The following ZNF541 variants were observed in gnomAD, a reference collection of about 807,000 sequenced individuals.
The protein encoded by ZNF541 is zinc finger protein 541.
Under a neutral mutation model 123.5 loss-of-function variants are expected in ZNF541, and 23 were observed. The observed-to-expected ratio is 0.19, with a 90% CI of 0.13 to 0.26. The LOEUF is 0.26. Among genes scored for constraint, ZNF541 ranks in the 10% least tolerant of loss-of-function variants. The probability of loss-of-function intolerance (pLI) is 1.00; values close to 1 mark genes in which losing one functional copy is unlikely to be tolerated. For missense variants in ZNF541, 1,612 were observed against 1,789.9 expected (o/e 0.90, Z 1.79); for synonymous variants, 751 against 754.5 (o/e 1.00, Z 0.08).
chr19:47,567,244 T>C (rs1459467330), intron 2 of ZNF541, among the ~76,000 whole-genome samples: 1 of 151,854 alleles, frequency 6.6e-6, no homozygotes, highest in Non-Finnish European at 1.5e-5. Flanking sequence ...TATTTAAGTT[T>C]AGTTAAATTT....
chr19:47,521,316 C>T lies in ZNF541; in HGVS notation c.3949G>A (p.Val1317Met). 3 of 1,551,728 alleles carry T rather than the reference C, an allele frequency of 1.9e-6. No individual in the cohort carries two copies. Among genetic ancestry groups the T allele is most frequent in the South Asian group, 1.2e-5 (1 of 84,068 alleles). The part of the protein sequence containing the change: ...HMKRHRLQDH[V>M]EPIIRVKWPV... ...CACTTCACCCTGATGATGGGCTCCACGTGGTCCTGAAGGCGGTGCCGCTTC... is the reference window on the plus strand; with the variant it reads ...CACTTCACCCTGATGATGGGCTCCATGTGGTCCTGAAGGCGGTGCCGCTTC... Residue 1317 changes from valine (V) to methionine (M), a missense_variant, in exon 17 of 17, where the codon GTG (valine) becomes ATG (methionine). Val to Met is a conservative substitution (Grantham distance 21). Coordinates refer to ENST00000391901, the MANE Select transcript of ZNF541 (RefSeq NM_001277075.3). The surrounding 1 kb of genome is among the most constrained non-coding windows in gnomAD (Gnocchi z 4.2).
At chr19:47,547,763 C>T (rs1970416497) in intron 4 of ZNF541, among the ~76,000 whole-genome samples, 1 of 152,132 alleles carries the variant, frequency 6.6e-6, no homozygotes, top group African/African-American at 2.4e-5. Flanking sequence ...TTCTTTCCCC[C>T]ACAGGCAAGA....
chr19:47,534,803 T>C (rs955541234), intron 9 of ZNF541, among the ~76,000 whole-genome samples: 1 of 152,226 alleles, frequency 6.6e-6, no homozygotes, highest in Non-Finnish European at 1.5e-5. Flanking sequence ...AATTGATTTC[T>C]AACAATGAAT....
intron 3 of ZNF541, among the ~76,000 whole-genome samples, chr19:47,550,642 A>G (rs1970559932): frequency 6.6e-6 from 1 of 152,346 alleles, no homozygotes; most frequent in East Asian, 1.9e-4. Flanking sequence ...ACGTCTTCAA[A>G]TATCTGAAGG....
At chr19:47,523,847 G>A (rs1969162505) in intron 14 of ZNF541, among the ~76,000 whole-genome samples, 1 of 152,204 alleles carries the variant, frequency 6.6e-6, no homozygotes, top group Admixed American at 6.5e-5. Flanking sequence ...TGGGAGAGGA[G>A]AGAGCTACAC....
At chr19:47,570,446 G>A (rs1971434573) in intron 2 of ZNF541, among the ~76,000 whole-genome samples, 1 of 151,412 alleles carries the variant, frequency 6.6e-6, no homozygotes, top group Admixed American at 6.6e-5. Context: ...GCATGGTGGT[G>A]GGCACCTGTA....
chr19:47,521,411 A>G lies in ZNF541; in HGVS notation c.3888-34T>C. 2 of 1,550,862 alleles carry G rather than the reference A, an allele frequency of 1.3e-6. No homozygotes were observed. The highest frequency in any genetic ancestry group is 1.7e-6 in the Non-Finnish European group (2 of 1,146,186). On this transcript the variant is annotated intron_variant, in intron 16 of 16. Transcript: ENST00000391901. The surrounding 1 kb of genome is among the most constrained non-coding windows in gnomAD (Gnocchi z 4.2). ...TCACCAGAGGACATGGGGTCAGAGCAGGGAGGAAGGGATCACAGGGGCTGA... is the reference window on the plus strand; with the variant it reads ...TCACCAGAGGACATGGGGTCAGAGCGGGGAGGAAGGGATCACAGGGGCTGA...
rs188783469 is a variant in ZNF541 at position 47,537,611 on chromosome 19, C to G, written c.3094+531G>C. Among the ~76,000 whole-genome samples, 13 of 146,970 alleles carry G rather than the reference C, an allele frequency of 8.8e-5. No homozygotes were observed. The East Asian group carries it at 2.4e-3, about 27-fold the overall frequency. ...AAATGACACAGACTGGACAGGGTGG[C>G]TCACACATTTAATGCCAGTACTTTG... On this transcript the variant is annotated intron_variant, in intron 9 of 16. Transcript: ENST00000391901.
Position 47,555,774 on chromosome 19 carries a change from T to C in ZNF541, c.83A>G (p.Asn28Ser), listed in dbSNP as rs910181094. ...ATCCCGGTTGAGGGTGTCGCTGCAG[T>C]TGAGCCCTTGGCTCTCTGAAAATGA... ...LPSFSESQGL[N>S]CSDTLNRDLG... Residue 28 changes from asparagine to serine, a missense_variant, in exon 3 of 17, where the codon AAC (asparagine) becomes AGC (serine). By Grantham distance (46) the Asn-to-Ser change is conservative (BLOSUM62 1). Around this residue, in one of 5 missense-constraint regions of ZNF541, gnomAD observed 212 missense variants for 289.6 expected, o/e 0.73. Transcript: ENST00000391901. 2.1e-5 allele frequency: 32 copies of C among 1,551,716 alleles called. No homozygotes were observed. The highest frequency in any genetic ancestry group is 2.8e-5 in the Non-Finnish European group (32 of 1,147,010).
rs989479893 is a variant in ZNF541, at chr19:47,538,385, T to G, written c.2851A>C (p.Lys951Gln). 1 of 1,543,932 alleles carries G rather than the reference T, an allele frequency of 6.5e-7. No individual in the cohort carries two copies. The highest frequency in any genetic ancestry group is 8.7e-7 in the Non-Finnish European group (1 of 1,143,046). ...RDSKESSQQR[K>Q]RKKRPPPSTA... is the part of the protein sequence containing the mutation. ...GAGGGTGGGGGCCGCTTCTTCCGCT[T>G]TCTCTGCTGGCTGCTCTCCTTGCTG... The change falls in exon 9 of 17, where the codon AAG becomes CAG. Residue 951 changes from lysine to glutamine, a missense_variant. Transcript: ENST00000391901.
chr19:47,536,178 C>G (rs1969811150), intron 9 of ZNF541, among the ~76,000 whole-genome samples: 2 of 152,200 alleles, frequency 1.3e-5, no homozygotes, highest in Admixed American at 1.3e-4. Context: ...GCCAGGTGTT[C>G]CTTGCCCTCA....
intron 2 of ZNF541, among the ~76,000 whole-genome samples, chr19:47,564,186 T>C (rs1446427368): frequency 6.6e-6 from 1 of 150,820 alleles, no homozygotes; most frequent in East Asian, 1.9e-4. Flanking sequence ...CATAAGGTGC[T>C]GGGTCAGGGG....
chr19:47,572,865 G>C (rs900878202), intron 1 of ZNF541, among the ~76,000 whole-genome samples: 2 of 152,082 alleles, frequency 1.3e-5, no homozygotes, highest in Admixed American at 6.5e-5. Context: ...AGCGGGGCCC[G>C]GAGCTGTTGG....
At chr19:47,531,241 G>A (rs113160251) in intron 12 of ZNF541, among the ~76,000 whole-genome samples, 8 of 143,422 alleles carry the variant, frequency 5.6e-5, no homozygotes, top group Non-Finnish European at 1.1e-4. Flanking sequence ...GCGGGGGGGG[G>A]GGGGGGGGTC....
intron 14 of ZNF541, 81 bp downstream of exon 14, chr19:47,528,869 G>C (rs1184437395): frequency 5.0e-6 from 6 of 1,200,162 alleles, no homozygotes; most frequent in African/African-American, 1.5e-5. Flanking sequence ...GGGGCCCTCC[G>C]ACCCCCGACC....
chr19:47,522,142 G>C lies in ZNF541; in HGVS notation c.3571-148C>G, dbSNP rs941036511. On this transcript the variant is annotated intron_variant, in intron 14 of 16. Coordinates refer to ENST00000391901, the MANE Select transcript of ZNF541 (RefSeq NM_001277075.3). ...GTTACCACTCACCACAAAGGCACAGGACCACAAAATCCTTCCTGGGGACGA... is the reference window on the plus strand; with the variant it reads ...GTTACCACTCACCACAAAGGCACAGCACCACAAAATCCTTCCTGGGGACGA... 8 of 1,079,558 alleles carry C rather than the reference G, an allele frequency of 7.4e-6. No individual in the cohort carries two copies. The Admixed American group carries it at 1.9e-4, about 26-fold the overall frequency. The allele number at this position is 1,079,558 out of a possible 1,614,324, so 66.9% of individuals were successfully genotyped here.
intron 2 of ZNF541, among the ~76,000 whole-genome samples, chr19:47,559,955 G>C (rs117361767): frequency 6.6e-6 from 1 of 151,946 alleles, no homozygotes; most frequent in Admixed American, 6.6e-5. Context: ...CAGTGGTCTC[G>C]AAGGTAGCAG....
intron 2 of ZNF541, among the ~76,000 whole-genome samples, chr19:47,568,434 C>G (rs541787189): frequency 6.6e-6 from 1 of 152,080 alleles, no homozygotes; most frequent in East Asian, 1.9e-4. Context: ...ACCTCCACCT[C>G]GCGGATTCAA....
At position 47,558,806 on chromosome 19, in the gene ZNF541, G is replaced by A. The variant is rs185641718; in HGVS notation, c.-98-2852C>T. 5.2e-3 allele frequency among the ~76,000 whole-genome samples: 781 copies of A among 149,954 alleles called. 14 individuals carry two copies. The highest frequency in any genetic ancestry group is 0.018 in the African/African-American group (721 of 40,760). On this transcript the variant is annotated intron_variant, in intron 2 of 16. Coordinates refer to ENST00000391901, the MANE Select transcript of ZNF541 (RefSeq NM_001277075.3). ...GTTGCCCAGGCTAGAGTGCAGTGGC[G>A]CCATCTCCGCTCACTGCAAGCTCCA...
Sources: allele counts gnomAD v4.1 joint callset (sites outside exome capture counted in the v4.1 genomes callset), GRCh38; gene constraint gnomAD v4.1.1; regional missense constraint gnomAD v4.1.1; non-coding constraint Gnocchi (gnomAD v3.1); transcripts MANE v1.5; gene names NCBI Gene and HGNC (gene_info 2026-07-23, HGNC 2026-07-21).